The following LATS2 variants were observed in gnomAD, a reference collection of about 807,000 sequenced individuals.
The protein encoded by LATS2 is serine/threonine-protein kinase LATS2.
Under a neutral mutation model 76.0 loss-of-function variants are expected in LATS2, and 24 were observed. That is an observed-to-expected ratio of 0.32 (90% CI 0.23 to 0.44). The LOEUF is 0.44. Ranked by LOEUF, LATS2 falls within the 20% of genes least tolerant of loss-of-function variation. The probability of loss-of-function intolerance (pLI) is 1.00; values close to 1 mark genes in which losing one functional copy is unlikely to be tolerated. For missense variants in LATS2, 1,286 were observed against 1,481.2 expected (o/e 0.87, Z 2.16); for synonymous variants, 692 against 635.4 (o/e 1.09, Z -1.34).
intron 2 of LATS2, among the ~76,000 whole-genome samples, chr13:21,040,410 A>G (rs902119960): frequency 2.0e-5 from 3 of 152,034 alleles, no homozygotes; most frequent in African/African-American, 7.3e-5. Flanking sequence ...AAGAAAAAGA[A>G]AGAAATGTCT....
At chr13:21,007,699 A>AT (rs1173839566) in intron 2 of LATS2, among the ~76,000 whole-genome samples, 1 of 586 alleles carries the variant, frequency 1.7e-3, no homozygotes, top group Non-Finnish European at 4.5e-3. Flanking sequence ...ATATATATAT[A>AT]GTATGTATAT....
At chr13:21,020,710 T>G (rs1400077310) in intron 2 of LATS2, among the ~76,000 whole-genome samples, 1 of 152,116 alleles carries the variant, frequency 6.6e-6, no homozygotes, top group Non-Finnish European at 1.5e-5. Context: ...GCTAAAAGGT[T>G]GAAAATGGCT....
At chr13:21,047,265 C>A (rs1317898217) in intron 1 of LATS2, among the ~76,000 whole-genome samples, 1 of 152,160 alleles carries the variant, frequency 6.6e-6, no homozygotes, top group Non-Finnish European at 1.5e-5. Context: ...CTCCCTCAGC[C>A]CCACTCCCTG....
rs1025274447 is a variant in LATS2 at position 20,998,502 on chromosome 13, A to G, written c.343-7098T>C. Among the ~76,000 whole-genome samples, 52 of 152,236 alleles carry G rather than the reference A, an allele frequency of 3.4e-4. 1 individual carries two copies. The highest frequency in any genetic ancestry group is 1.2e-3 in the African/African-American group (50 of 41,460). ...TGTGCTTGCTTGGAGGATTGCCAGC[A>G]GGGTGGTCTTCAAAAGAATCTCTGA... On this transcript the variant is annotated intron_variant, in intron 2 of 7. Transcript: ENST00000382592.
At chr13:21,014,481 A>C (rs1280494887) in intron 2 of LATS2, among the ~76,000 whole-genome samples, 1 of 152,202 alleles carries the variant, frequency 6.6e-6, no homozygotes, top group African/African-American at 2.4e-5. Context: ...AACTGCCATA[A>C]AGGAAGTATT....
chr13:21,007,736 G>C (rs1401821654), intron 2 of LATS2, among the ~76,000 whole-genome samples: 10 of 912 alleles, frequency 0.011, 2 homozygotes, highest in African/African-American at 0.019. Flanking sequence ...TATATATATA[G>C]TATATATATA....
In LATS2 at chr13:21,046,030, T is replaced by A; in HGVS notation, c.-4A>T. The A allele has an allele frequency of 6.3e-7, 1 of 1,599,450 alleles. No individual in the cohort carries two copies. Among genetic ancestry groups the A allele is most frequent in the South Asian group, 1.1e-5 (1 of 90,606 alleles). ...CAGGAAAAGTCTTTGGCCTCATTGTTAGTCCAGTTTCCTTTTACCATAAAT... is the reference window on the plus strand; with the variant it reads ...CAGGAAAAGTCTTTGGCCTCATTGTAAGTCCAGTTTCCTTTTACCATAAAT... On this transcript the variant is annotated 5_prime_UTR_variant, in exon 2 of 8. Transcript: ENST00000382592.
At chr13:21,038,752 G>C (rs539625151) in intron 2 of LATS2, 1 of 152,182 alleles carries the variant, frequency 6.6e-6, no homozygotes, top group Non-Finnish European at 1.5e-5. Flanking sequence ...CGAGGCGGGC[G>C]GATCACCTGA....
At chr13:21,036,704 C>T (rs905967771) in intron 2 of LATS2, among the ~76,000 whole-genome samples, 7 of 152,058 alleles carry the variant, frequency 4.6e-5, no homozygotes, top group African/African-American at 1.2e-4. Flanking sequence ...ACCTGGGACA[C>T]GGAGGTTACA....
chr13:20,981,670 A>G, intron 5 of LATS2, 22 bp from the exon 6 acceptor site: 1 of 1,571,506 alleles, frequency 6.4e-7, no homozygotes, highest in Non-Finnish European at 8.6e-7. Context: ...AATCAGGGAT[A>G]GTGAAAGAAA....
At position 20,988,627 on chromosome 13, in the gene LATS2, C is replaced by G; in HGVS notation, c.1153G>C (p.Gly385Arg). Residue 385 changes from glycine to arginine, a missense_variant, in exon 4 of 8, where the codon GGC becomes CGC. Around this residue, in one of 5 missense-constraint regions of LATS2, gnomAD observed 710 missense variants for 660.9 expected, o/e 1.07. Transcript: ENST00000382592. ...LARRDSLQKP[G>R]LEAPPRAHVA... ...TGCGCGCGCGGCGGCGCCTCCAGGCCCGGCTTCTGCAGGGAGTCCCGGCGG... is the reference window on the plus strand; with the variant it reads ...TGCGCGCGCGGCGGCGCCTCCAGGCGCGGCTTCTGCAGGGAGTCCCGGCGG... 1 of 1,587,902 alleles carries G rather than the reference C, an allele frequency of 6.3e-7. No individual in the cohort carries two copies. Among genetic ancestry groups the G allele is most frequent in the Non-Finnish European group, 8.5e-7 (1 of 1,175,438 alleles).
At chr13:21,034,324 A>T (rs547785880) in intron 2 of LATS2, among the ~76,000 whole-genome samples, 1 of 152,322 alleles carries the variant, frequency 6.6e-6, no homozygotes, top group East Asian at 1.9e-4. Flanking sequence ...CCTTACTGAC[A>T]GTGCCCAGTT....
intron 2 of LATS2, among the ~76,000 whole-genome samples, chr13:20,998,794 G>A (rs1870889459): frequency 6.6e-6 from 1 of 152,096 alleles, no homozygotes; most frequent in Non-Finnish European, 1.5e-5. Context: ...GCAGAGCCCC[G>A]TGACCTTGTC....
intron 2 of LATS2, among the ~76,000 whole-genome samples, chr13:21,035,736 A>T (rs948824602): frequency 2.0e-5 from 3 of 152,258 alleles, no homozygotes; most frequent in Non-Finnish European, 4.4e-5. Flanking sequence ...CTGGGATAGA[A>T]GAGCAGGTTG....
intron 1 of LATS2, among the ~76,000 whole-genome samples, chr13:21,060,427 C>A (rs1033147175): frequency 2.6e-5 from 4 of 152,342 alleles, no homozygotes; most frequent in African/African-American, 7.2e-5. Flanking sequence ...CAACGGCCGC[C>A]GTTCGCGTGG....
At position 21,046,179 on chromosome 13, in the gene LATS2, CTA is replaced by C; in HGVS notation, c.-155_-154del. On this transcript the variant is annotated 5_prime_UTR_variant, in exon 2 of 8. It removes the in-frame stop codon of an upstream open reading frame in the 5' UTR. Coordinates refer to ENST00000382592, the MANE Select transcript of LATS2 (RefSeq NM_014572.3). Reference sequence around the variant, plus strand: ...TTCTTTCCTTCCATTTTTGTAGTTCCTATAGAGAACCTAAAATTTTCCAAAGT... The same window carrying C: ...TTCTTTCCTTCCATTTTTGTAGTTCCTAGAGAACCTAAAATTTTCCAAAGT... 2 of 584,818 alleles carry C rather than the reference CTA, an allele frequency of 3.4e-6. No individual in the cohort carries two copies. Among genetic ancestry groups the C allele is most frequent in the African/African-American group, 1.9e-5 (1 of 53,730 alleles). 36.2% of individuals were successfully genotyped at this position (584,818 alleles called of 1,614,324 possible).
At chr13:20,986,071 C>A (rs992704825) in intron 4 of LATS2, among the ~76,000 whole-genome samples, 3 of 152,072 alleles carry the variant, frequency 2.0e-5, no homozygotes, top group Non-Finnish European at 4.4e-5. Flanking sequence ...GAGCTAATGA[C>A]CTGAATAGAC....
At chr13:21,043,259 A>T (rs1428342188) in intron 2 of LATS2, among the ~76,000 whole-genome samples, 1 of 148,844 alleles carries the variant, frequency 6.7e-6, no homozygotes, top group African/African-American at 2.5e-5. Context: ...AATCACTTGA[A>T]CCCAGGAGCC....
chr13:21,037,614 G>C (rs1231583919), intron 2 of LATS2, among the ~76,000 whole-genome samples: 28 of 152,286 alleles, frequency 1.8e-4, no homozygotes, highest in Non-Finnish European at 1.3e-4. Context: ...CTTAACAGCA[G>C]ATTCTGATAA....
Sources: allele counts gnomAD v4.1 joint callset (sites outside exome capture counted in the v4.1 genomes callset), GRCh38; gene constraint gnomAD v4.1.1; regional missense constraint gnomAD v4.1.1; transcripts MANE v1.5; gene names NCBI Gene and HGNC (gene_info 2026-07-23, HGNC 2026-07-21).